INPP4B: variants seen among roughly 807,000 people sequenced by gnomAD.
INPP4B encodes the protein inositol polyphosphate 4-phosphatase type II.
A neutral mutation model predicts 122.5 loss-of-function variants in INPP4B; 55 were observed. The observed-to-expected ratio is 0.45, with a 90% CI of 0.36 to 0.56. The LOEUF (loss-of-function observed/expected upper bound fraction) is 0.56. INPP4B is among the 20% of genes least tolerant of loss of function. The pLI is 0.00. For synonymous variants in INPP4B, 403 were observed against 388.7 expected (o/e 1.04, Z -0.43); for missense variants, 1,000 against 1,097.7 (o/e 0.91, Z 1.26).
chr4:142,101,903 A>G (rs1475175879), intron 23 of INPP4B, among the ~76,000 whole-genome samples: 3 of 152,082 alleles, frequency 2.0e-5, no homozygotes, highest in Non-Finnish European at 4.4e-5. Flanking sequence ...GTACATATTC[A>G]ATGGCTATTT....
chr4:142,531,864 T>G (rs1827656726), intron 2 of INPP4B, among the ~76,000 whole-genome samples: 1 of 152,178 alleles, frequency 6.6e-6, no homozygotes, highest in African/African-American at 2.4e-5. Flanking sequence ...AAAATACTAA[T>G]TTTAAAATAT....
intron 1 of INPP4B, among the ~76,000 whole-genome samples, chr4:142,730,661 A>G (rs1431943065): frequency 6.6e-6 from 1 of 152,150 alleles, no homozygotes; most frequent in Admixed American, 6.5e-5. Flanking sequence ...ATTATAGTCA[A>G]TGCCTATAAC....
intron 25 of INPP4B, among the ~76,000 whole-genome samples, chr4:142,066,537 T>C (rs1024511117): frequency 6.6e-6 from 1 of 152,170 alleles, no homozygotes; most frequent in African/African-American, 2.4e-5. Flanking sequence ...ATGCTGATGC[T>C]GGAATTACTC....
At chr4:142,407,795 T>A (rs1304101762) in intron 5 of INPP4B, among the ~76,000 whole-genome samples, 1 of 152,124 alleles carries the variant, frequency 6.6e-6, no homozygotes, top group Non-Finnish European at 1.5e-5. Flanking sequence ...TGGCACTGAG[T>A]AAGTCACAAA....
chr4:142,337,734 A>ATTATATATTTTATATATAT (rs1554038704), intron 7 of INPP4B, among the ~76,000 whole-genome samples: 4 of 41,672 alleles, frequency 9.6e-5, no homozygotes, highest in African/African-American at 3.0e-4. Flanking sequence ...TTTTATATAT[A>ATTATATATTTTATATATAT]TTTATATATA....
At chr4:142,573,146 G>A (rs1733175125) in intron 2 of INPP4B, among the ~76,000 whole-genome samples, 1 of 151,894 alleles carries the variant, frequency 6.6e-6, no homozygotes, top group African/African-American at 2.4e-5. Flanking sequence ...GAGAGAGAGA[G>A]CAAGAGCTAA....
chr4:142,757,822 A>G (rs1770727058), intron 1 of INPP4B, among the ~76,000 whole-genome samples: 1 of 152,206 alleles, frequency 6.6e-6, no homozygotes, highest in African/African-American at 2.4e-5. Flanking sequence ...TTGGCTTTGT[A>G]GCAAACTCCC....
intron 2 of INPP4B, among the ~76,000 whole-genome samples, chr4:142,563,612 A>G (rs1397844821): frequency 6.6e-6 from 1 of 152,210 alleles, no homozygotes; most frequent in Non-Finnish European, 1.5e-5. Flanking sequence ...AATACATTTG[A>G]GTATCTCCAA....
intron 23 of INPP4B, among the ~76,000 whole-genome samples, chr4:142,089,726 C>G (rs1778595287): frequency 6.6e-6 from 1 of 152,060 alleles, no homozygotes; most frequent in South Asian, 2.1e-4. Context: ...ATGATATTTA[C>G]CCTTAGTGTA....
intron 2 of INPP4B, among the ~76,000 whole-genome samples, chr4:142,656,578 A>G (rs1476166352): frequency 1.3e-5 from 2 of 152,016 alleles, no homozygotes; most frequent in Non-Finnish European, 2.9e-5. Context: ...AGGATCCCGC[A>G]CAGCTGGCTG....
intron 7 of INPP4B, among the ~76,000 whole-genome samples, chr4:142,397,103 C>G (rs542629981): frequency 6.6e-6 from 1 of 152,254 alleles, no homozygotes; most frequent in African/African-American, 2.4e-5. Flanking sequence ...AAAATTATGT[C>G]CTTTGTAAAT....
chr4:142,585,023 C>T (rs912617176), intron 2 of INPP4B, among the ~76,000 whole-genome samples: 1 of 152,118 alleles, frequency 6.6e-6, no homozygotes, highest in Non-Finnish European at 1.5e-5. Flanking sequence ...TTTCAGTTGG[C>T]TCCTGGACCC....
chr4:142,096,537 G>C (rs1278286310), intron 23 of INPP4B, among the ~76,000 whole-genome samples: 4 of 152,042 alleles, frequency 2.6e-5, no homozygotes, highest in African/African-American at 9.7e-5. Context: ...AGTCTATGTA[G>C]TTTAACATGC....
At chr4:142,178,958 T>G (rs146670366) in intron 15 of INPP4B, among the ~76,000 whole-genome samples, 31 of 152,174 alleles carry the variant, frequency 2.0e-4, no homozygotes, top group African/African-American at 6.0e-4. Flanking sequence ...TACTTAAATA[T>G]ACCCTTCTGG....
intron 8 of INPP4B, among the ~76,000 whole-genome samples, chr4:142,311,756 A>G (rs1674079040): frequency 6.6e-6 from 1 of 152,192 alleles, no homozygotes. Context: ...AAGTGACAGT[A>G]TACAAAATGA....
chr4:142,558,673 A>G (rs1373312385), intron 2 of INPP4B, among the ~76,000 whole-genome samples: 1 of 151,488 alleles, frequency 6.6e-6, no homozygotes, highest in Non-Finnish European at 1.5e-5. Flanking sequence ...CAGTGTGGGG[A>G]AAAATCTACT....
chr4:142,527,186 T>A (rs572419633), intron 2 of INPP4B, among the ~76,000 whole-genome samples: 1 of 151,668 alleles, frequency 6.6e-6, no homozygotes, highest in East Asian at 1.9e-4. Flanking sequence ...CATTTAAACA[T>A]AGTTATTTTC....
chr4:142,526,019 G>C (rs1237539886), intron 2 of INPP4B, among the ~76,000 whole-genome samples: 1 of 152,002 alleles, frequency 6.6e-6, no homozygotes, highest in Non-Finnish European at 1.5e-5. Flanking sequence ...AATTTGTCTG[G>C]CACGATTTCA....
At chr4:142,347,356 T>G (rs1297386330) in intron 7 of INPP4B, 5 of 247,846 alleles carry the variant, frequency 2.0e-5, no homozygotes, top group Admixed American at 5.3e-5. Flanking sequence ...ATGAAAGTGC[T>G]ACATACATTC....
Sources: allele counts gnomAD v4.1 joint callset (sites outside exome capture counted in the v4.1 genomes callset), GRCh38; gene constraint gnomAD v4.1.1; transcripts MANE v1.5; gene names NCBI Gene and HGNC (gene_info 2026-07-23, HGNC 2026-07-21).